Variants in STYK1 observed in about 807,000 individuals in gnomAD.
STYK1 encodes the protein tyrosine-protein kinase STYK1.
A neutral mutation model predicts 48.1 loss-of-function variants in STYK1; 46 were observed. The ratio of observed to expected loss-of-function variants is 0.96; its 90% confidence interval spans 0.75 to 1.22. The LOEUF (loss-of-function observed/expected upper bound fraction) is 1.22. Among genes scored for constraint, STYK1 ranks in the 50% most tolerant of loss-of-function variants. STYK1 has a pLI of 0.00. For missense variants in STYK1, 527 were observed against 521.1 expected (o/e 1.01, Z -0.11); for synonymous variants, 188 against 189.0 (o/e 0.99, Z 0.04).
intron 1 of STYK1, 120 bp downstream of exon 1, chr12:10,673,846 G>GCCTCTTC (rs906542972): frequency 6.6e-6 from 1 of 152,310 alleles, no homozygotes. Flanking sequence ...TCCGCTCCCA[G>GCCTCTTC]CCTCTTCCCT....
chr12:10,636,499 G>C (rs1335914231), intron 2 of STYK1, among the ~76,000 whole-genome samples: 1 of 152,174 alleles, frequency 6.6e-6, no homozygotes, highest in Non-Finnish European at 1.5e-5. Context: ...GAGAAATGTG[G>C]CTGAGAAAGC....
rs145388193 is a variant in STYK1, at chr12:10,650,776, G to A, written c.-194-13580C>T. ...AGTACTTTGGGAGGCGGAGGCAGGC[G>A]GATGACCTGAGGTTAGGAGTTCGAG... On this transcript the variant is annotated intron_variant, in intron 1 of 10. Transcript: ENST00000075503. 6.8e-3 allele frequency among the ~76,000 whole-genome samples: 1,037 copies of A among 152,172 alleles called. 5 individuals carry two copies. The highest frequency in any genetic ancestry group is 0.014 in the Middle Eastern group (4 of 294).
At chr12:10,652,535 C>T (rs113222667) in intron 1 of STYK1, among the ~76,000 whole-genome samples, 31 of 152,318 alleles carry the variant, frequency 2.0e-4, no homozygotes, top group African/African-American at 6.3e-4. Context: ...TGTAGACAGG[C>T]GCAAGGCCAT....
intron 1 of STYK1, among the ~76,000 whole-genome samples, chr12:10,640,462 G>A (rs1947531483): frequency 6.6e-6 from 1 of 152,136 alleles, no homozygotes. Context: ...TCTAAGAGAG[G>A]TTATCTCGTC....
intron 7 of STYK1, 48 bp from the exon 8 acceptor site, chr12:10,624,907 G>T: frequency 5.2e-6 from 8 of 1,549,440 alleles, no homozygotes; most frequent in Non-Finnish European, 3.6e-6. Context: ...ATCACAGCTT[G>T]GGTCACAGAC....
At chr12:10,627,177 A>G (rs1947368278) in intron 7 of STYK1, among the ~76,000 whole-genome samples, 1 of 152,080 alleles carries the variant, frequency 6.6e-6, no homozygotes, top group African/African-American at 2.4e-5. Context: ...ACATGTTCTG[A>G]ACTAGTTTTC....
intron 7 of STYK1, among the ~76,000 whole-genome samples, chr12:10,625,303 C>G (rs374123122): frequency 6.0e-4 from 92 of 152,218 alleles, no homozygotes; most frequent in African/African-American, 2.1e-3. Flanking sequence ...CTGCAAGCTC[C>G]GCCTCCTGGG....
chr12:10,673,048 A>G (rs1201647883), intron 1 of STYK1, among the ~76,000 whole-genome samples: 1 of 152,160 alleles, frequency 6.6e-6, no homozygotes, highest in Non-Finnish European at 1.5e-5. Flanking sequence ...TCTCATAGGT[A>G]TAAGAAACTC....
intron 1 of STYK1, among the ~76,000 whole-genome samples, chr12:10,650,004 C>A (rs933779881): frequency 3.3e-5 from 5 of 150,350 alleles, no homozygotes; most frequent in Non-Finnish European, 7.4e-5. Flanking sequence ...GTCCCAGCTA[C>A]TCGGGAGGCG....
At chr12:10,661,484 C>T (rs566771009) in intron 1 of STYK1, among the ~76,000 whole-genome samples, 373 of 152,340 alleles carry the variant, frequency 2.4e-3, no homozygotes, top group Non-Finnish European at 4.2e-3. Context: ...CCCTGCTCTG[C>T]TATTCCTTAA....
At position 10,631,388 on chromosome 12, in the gene STYK1, G is replaced by C. The variant is rs958239013; in HGVS notation, c.188-80C>G. On this transcript the variant is annotated intron_variant, in intron 4 of 10. Transcript: ENST00000075503. ...AGCAGACCCTGAAACAAATTGGCAAGGAGGTTCCTTCAGCAGTTTTCTCTT... is the reference window on the plus strand; with the variant it reads ...AGCAGACCCTGAAACAAATTGGCAACGAGGTTCCTTCAGCAGTTTTCTCTT... 11 of 1,549,268 alleles carry C rather than the reference G, an allele frequency of 7.1e-6. No homozygotes were observed. In the Admixed American group the frequency reaches 1.5e-4, roughly 21 times the overall value.
chr12:10,663,757 G>A (rs1947805168), intron 1 of STYK1, among the ~76,000 whole-genome samples: 1 of 147,492 alleles, frequency 6.8e-6, no homozygotes, highest in African/African-American at 2.5e-5. Context: ...AAAAAAGGCT[G>A]GAATTTTGAT....
intron 1 of STYK1, among the ~76,000 whole-genome samples, chr12:10,668,588 T>A (rs1947860411): frequency 8.2e-6 from 1 of 122,298 alleles, no homozygotes; most frequent in African/African-American, 3.1e-5. Flanking sequence ...AGAGATGGGG[T>A]TTCACCATGT....
intron 1 of STYK1, among the ~76,000 whole-genome samples, chr12:10,664,715 A>C (rs139218766): frequency 1.1e-3 from 161 of 152,352 alleles, no homozygotes; most frequent in Non-Finnish European, 1.7e-3. Context: ...CAAATTAAGA[A>C]TAATTTGTTT....
At chr12:10,662,667 G>A (rs540420813) in intron 1 of STYK1, among the ~76,000 whole-genome samples, 49 of 152,220 alleles carry the variant, frequency 3.2e-4, no homozygotes, top group Non-Finnish European at 5.3e-4. Flanking sequence ...CTTCTTTGAA[G>A]AAATGTACAT....
chr12:10,654,489 T>G (rs997808978), intron 1 of STYK1, among the ~76,000 whole-genome samples: 1 of 152,152 alleles, frequency 6.6e-6, no homozygotes, highest in African/African-American at 2.4e-5. Flanking sequence ...GGGACTATAC[T>G]GAGGAGAATC....
intron 10 of STYK1, 53 bp downstream of exon 10, chr12:10,621,823 G>T: frequency 6.5e-7 from 1 of 1,536,390 alleles, no homozygotes; most frequent in Non-Finnish European, 9.0e-7. Context: ...GATTGATAGA[G>T]GGCTAAACAA....
chr12:10,637,577 G>A (rs1200989659), intron 1 of STYK1, among the ~76,000 whole-genome samples: 4 of 152,010 alleles, frequency 2.6e-5, no homozygotes, highest in Non-Finnish European at 5.9e-5. Context: ...TCCTGACCTC[G>A]TGATCCACCT....
intron 1 of STYK1, among the ~76,000 whole-genome samples, chr12:10,656,154 C>T (rs990329605): frequency 2.6e-5 from 4 of 152,154 alleles, no homozygotes; most frequent in Non-Finnish European, 5.9e-5. Context: ...GGGAGTTTCC[C>T]TGCACAAGCT....
Sources: gnomAD v4.1 joint callset for allele counts (sites outside exome capture counted in the v4.1 genomes callset) on GRCh38, gnomAD v4.1.1 for gene constraint, MANE v1.5 for transcripts, NCBI Gene and HGNC (gene_info 2026-07-23, HGNC 2026-07-21) for gene names.